CPNE4: variants seen among roughly 807,000 people sequenced by gnomAD.
CPNE4 encodes copine 4, also known as copine-4.
Under a neutral mutation model 67.9 loss-of-function variants are expected in CPNE4, and 25 were observed. The observed-to-expected ratio is 0.37, with a 90% CI of 0.27 to 0.51. The LOEUF is 0.51. CPNE4 is among the 20% of genes least tolerant of loss of function. The probability of loss-of-function intolerance (pLI) is 0.93; values close to 1 mark genes in which losing one functional copy is unlikely to be tolerated. For missense variants in CPNE4, 464 were observed against 690.8 expected (o/e 0.67, Z 3.68); for synonymous variants, 242 against 244.9 (o/e 0.99, Z 0.11).
intron 10 of CPNE4, among the ~76,000 whole-genome samples, chr3:131,565,239 G>A (rs1936995504): frequency 6.6e-6 from 1 of 151,936 alleles, no homozygotes; most frequent in African/African-American, 2.4e-5. Context: ...CTTAAGCTTC[G>A]AGGGAAGAAG....
chr3:131,909,602 T>A (rs983322815), intron 1 of CPNE4, among the ~76,000 whole-genome samples: 10 of 152,020 alleles, frequency 6.6e-5, no homozygotes, highest in Non-Finnish European at 1.5e-5. Context: ...TAAAAAAAAA[T>A]AATGTAGGCA....
chr3:131,921,911 G>A (rs976537205), intron 1 of CPNE4, among the ~76,000 whole-genome samples: 1 of 152,148 alleles, frequency 6.6e-6, no homozygotes, highest in African/African-American at 2.4e-5. Flanking sequence ...TATTTATCAA[G>A]CAGGCTCTTT....
chr3:131,920,027 T>C (rs958936590), intron 1 of CPNE4, among the ~76,000 whole-genome samples: 2 of 152,066 alleles, frequency 1.3e-5, no homozygotes, highest in Non-Finnish European at 2.9e-5. Flanking sequence ...CAGGTGTGAG[T>C]TGCTTAGGGA....
intron 7 of CPNE4, 139 bp downstream of exon 7, chr3:131,669,536 T>G: frequency 1.6e-6 from 1 of 613,374 alleles, no homozygotes. Flanking sequence ...CCTTGTTTCT[T>G]CCATCGAGAT....
chr3:131,728,460 T>C (rs775429947), intron 2 of CPNE4, among the ~76,000 whole-genome samples: 7 of 152,198 alleles, frequency 4.6e-5, no homozygotes, highest in Non-Finnish European at 1.0e-4. Flanking sequence ...TCATAAACAC[T>C]GTTGCTCAAA....
intron 2 of CPNE4, among the ~76,000 whole-genome samples, chr3:131,877,047 G>A (rs2087489869): frequency 6.7e-6 from 1 of 149,008 alleles, no homozygotes; most frequent in Admixed American, 6.7e-5. Flanking sequence ...CTTCTCCCTT[G>A]CCTTCCTCTG....
intron 2 of CPNE4, among the ~76,000 whole-genome samples, chr3:131,868,801 A>G (rs1266524923): frequency 6.6e-6 from 1 of 152,146 alleles, no homozygotes; most frequent in Non-Finnish European, 1.5e-5. Flanking sequence ...AGTGATTAGA[A>G]CATCGCAGGA....
intron 1 of CPNE4, among the ~76,000 whole-genome samples, chr3:131,968,069 C>G (rs2072401366): frequency 6.6e-6 from 1 of 152,172 alleles, no homozygotes; most frequent in Non-Finnish European, 1.5e-5. Context: ...CTACAACCAT[C>G]TGATCTTTGA....
rs1247475365 is a variant in CPNE4 at position 131,549,757 on chromosome 3, GC to G, written c.1302+189del. On this transcript the variant is annotated intron_variant, in intron 14 of 15. Transcript: ENST00000429747. ...TGTCATCTCTTAGCCTCACAACCCAGCAAAGATGGGTTTGATTATCCCCATG... is the reference window on the plus strand; with the variant it reads ...TGTCATCTCTTAGCCTCACAACCCAGAAAGATGGGTTTGATTATCCCCATG... 3.9e-5 allele frequency among the ~76,000 whole-genome samples: 6 copies of G among 152,238 alleles called. No homozygotes were observed. The South Asian group carries it at 1.0e-3, about 26-fold the overall frequency.
chr3:131,806,980 G>A (rs554580642), intron 2 of CPNE4, among the ~76,000 whole-genome samples: 1 of 152,314 alleles, frequency 6.6e-6, no homozygotes, highest in African/African-American at 2.4e-5. Context: ...AGGTTTACCA[G>A]GATTAGGAGA....
At chr3:132,002,972 G>C (rs1313717278) in intron 1 of CPNE4, among the ~76,000 whole-genome samples, 5 of 152,072 alleles carry the variant, frequency 3.3e-5, no homozygotes, top group African/African-American at 9.7e-5. Context: ...TAGAAATGCA[G>C]AATCTCAGGC....
At chr3:131,649,304 C>G (rs1311078627) in intron 7 of CPNE4, among the ~76,000 whole-genome samples, 2 of 152,188 alleles carry the variant, frequency 1.3e-5, no homozygotes, top group Non-Finnish European at 2.9e-5. Context: ...AACAATGGAA[C>G]ACAGAACCCA....
intron 7 of CPNE4, among the ~76,000 whole-genome samples, chr3:131,661,329 G>A (rs9826489): frequency 0.33 from 49,621 of 152,026 alleles, 8,489 homozygotes; most frequent in African/African-American, 0.4. Context: ...AGCAATTTGC[G>A]AAAACACAGG....
At chr3:131,915,933 T>G (rs2089165251) in intron 1 of CPNE4, among the ~76,000 whole-genome samples, 1 of 152,196 alleles carries the variant, frequency 6.6e-6, no homozygotes, top group Non-Finnish European at 1.5e-5. Context: ...TTTATAGCAC[T>G]CAAATGTTTC....
intron 1 of CPNE4, among the ~76,000 whole-genome samples, chr3:131,998,021 T>C (rs771491740): frequency 1.3e-5 from 2 of 152,146 alleles, no homozygotes; most frequent in Non-Finnish European, 2.9e-5. Flanking sequence ...CACTGTTGCA[T>C]TGGGGATTAA....
intron 2 of CPNE4, among the ~76,000 whole-genome samples, chr3:131,903,757 G>T (rs990090409): frequency 4.6e-5 from 7 of 151,984 alleles, no homozygotes; most frequent in Non-Finnish European, 1.0e-4. Context: ...CTAGTGCCTG[G>T]CACTTAAAAA....
chr3:131,777,493 G>A (rs1447824242), intron 2 of CPNE4, among the ~76,000 whole-genome samples: 1 of 151,880 alleles, frequency 6.6e-6, no homozygotes, highest in African/African-American at 2.4e-5. Context: ...TACCCAAAGG[G>A]TAGATGAGGT....
At chr3:131,821,208 A>G (rs1192000465) in intron 2 of CPNE4, among the ~76,000 whole-genome samples, 2 of 152,208 alleles carry the variant, frequency 1.3e-5, no homozygotes, top group Non-Finnish European at 2.9e-5. Flanking sequence ...ATTTTGAGGC[A>G]AGCTTAAAAT....
intron 2 of CPNE4, among the ~76,000 whole-genome samples, chr3:131,795,408 A>G (rs1282067907): frequency 6.6e-6 from 1 of 152,200 alleles, no homozygotes; most frequent in East Asian, 1.9e-4. Flanking sequence ...GTTCTCAGTC[A>G]TGACAGTATG....
Sources: allele counts gnomAD v4.1 joint callset (sites outside exome capture counted in the v4.1 genomes callset), GRCh38; gene constraint gnomAD v4.1.1; transcripts MANE v1.5; gene names NCBI Gene and HGNC (gene_info 2026-07-23, HGNC 2026-07-21).